Variants in SDK1 observed in about 807,000 individuals in gnomAD.
The protein encoded by SDK1 is protein sidekick-1.
SDK1 carries 157 observed loss-of-function variants against 245.5 expected under a neutral mutation model. That is an observed-to-expected ratio of 0.64 (90% confidence interval 0.56 to 0.73). SDK1 has a LOEUF of 0.73. SDK1 is among the 30% of genes least tolerant of loss of function. The pLI, the probability that SDK1 is intolerant of heterozygous loss-of-function variation, is 0.00. For missense variants in SDK1, 3,583 were observed against 3,002.3 expected, an observed-to-expected ratio of 1.19 and a Z score of -4.52; for synonymous variants, 1,647 against 1,278.5, an observed-to-expected ratio of 1.29 and a Z score of -6.15.
chr7:4,230,554 G>A (rs1785694962), intron 40 of SDK1, among the ~76,000 whole-genome samples: 1 of 151,694 alleles, frequency 6.6e-6, no homozygotes, highest in Non-Finnish European at 1.5e-5. Flanking sequence ...ATGGATGGAT[G>A]GATAGAAGGA....
chr7:3,566,114 T>A (rs1453010085), intron 1 of SDK1, among the ~76,000 whole-genome samples: 1 of 151,930 alleles, frequency 6.6e-6, no homozygotes, highest in Non-Finnish European at 1.5e-5. Context: ...GTAAATAGAG[T>A]TTTTATTCTC....
intron 5 of SDK1, among the ~76,000 whole-genome samples, chr7:3,924,181 G>A (rs553449653): frequency 6.6e-6 from 1 of 152,108 alleles, no homozygotes; most frequent in East Asian, 1.9e-4. Flanking sequence ...GGAGGGTCTG[G>A]CATTGGGGAT....
At chr7:3,447,984 G>T (rs560259567) in intron 1 of SDK1, among the ~76,000 whole-genome samples, 1 of 152,100 alleles carries the variant, frequency 6.6e-6, no homozygotes, top group Non-Finnish European at 1.5e-5. Context: ...GATTGCAGGT[G>T]TGAGCCACTG....
chr7:4,174,422 C>A, intron 33 of SDK1, 65 bp downstream of exon 33: 6 of 1,496,086 alleles, frequency 4.0e-6, no homozygotes, highest in Non-Finnish European at 5.5e-6. Context: ...GGTATCTGCT[C>A]AGTGCACATC....
At chr7:3,758,022 C>G (rs1036781213) in intron 4 of SDK1, among the ~76,000 whole-genome samples, 8 of 152,058 alleles carry the variant, frequency 5.3e-5, no homozygotes, top group Admixed American at 1.3e-4. Flanking sequence ...GCACAAAGAC[C>G]AAACGTATCT....
intron 1 of SDK1, among the ~76,000 whole-genome samples, chr7:3,589,103 AC>A (rs771235730): frequency 3.3e-4 from 50 of 152,110 alleles, no homozygotes; most frequent in Non-Finnish European, 6.6e-4. Flanking sequence ...AGAAATTATT[AC>A]CCCCTTTTTA....
chr7:3,568,276 C>T (rs533941164), intron 1 of SDK1, among the ~76,000 whole-genome samples: 5 of 152,200 alleles, frequency 3.3e-5, no homozygotes, highest in African/African-American at 1.2e-4. Flanking sequence ...TAATTGTAGT[C>T]AGCTACTTTA....
At chr7:3,582,821 C>CT (rs1215192255) in intron 1 of SDK1, among the ~76,000 whole-genome samples, 2 of 151,284 alleles carry the variant, frequency 1.3e-5, no homozygotes, top group Non-Finnish European at 2.9e-5. Flanking sequence ...AGCCTTTAGT[C>CT]TTCCCCAGCA....
chr7:3,488,285 C>G (rs1411066320), intron 1 of SDK1, among the ~76,000 whole-genome samples: 2 of 152,016 alleles, frequency 1.3e-5, no homozygotes, highest in Admixed American at 1.3e-4. Context: ...CTTTTCTTTT[C>G]TGTGCTTTCT....
At chr7:3,705,711 T>G (rs772075722) in intron 4 of SDK1, among the ~76,000 whole-genome samples, 2 of 152,076 alleles carry the variant, frequency 1.3e-5, no homozygotes, top group Non-Finnish European at 2.9e-5. Flanking sequence ...CAGCAATAAT[T>G]TGACTCTCTC....
chr7:3,770,902 A>G (rs1407350242), intron 4 of SDK1, among the ~76,000 whole-genome samples: 3 of 152,084 alleles, frequency 2.0e-5, no homozygotes, highest in African/African-American at 4.8e-5. Context: ...GAAGGAAGGT[A>G]ACATTCTTTG....
At chr7:4,109,918 G>A (rs1783225492) in intron 22 of SDK1, among the ~76,000 whole-genome samples, 1 of 152,162 alleles carries the variant, frequency 6.6e-6, no homozygotes, top group African/African-American at 2.4e-5. Context: ...AAATTAGCAC[G>A]AGACAGACCA....
intron 1 of SDK1, among the ~76,000 whole-genome samples, chr7:3,509,077 T>C (rs1782493136): frequency 1.5e-5 from 2 of 137,916 alleles, no homozygotes; most frequent in South Asian, 2.4e-4. Flanking sequence ...GGTGTGTGTG[T>C]GTGTGTGCGT....
intron 1 of SDK1, among the ~76,000 whole-genome samples, chr7:3,306,799 G>C (rs1779427354): frequency 6.6e-6 from 1 of 152,108 alleles, no homozygotes; most frequent in Non-Finnish European, 1.5e-5. Context: ...GAGGTGTGTG[G>C]CATGTAGTGT....
chr7:3,665,175 C>G (rs1288545978), intron 4 of SDK1, among the ~76,000 whole-genome samples: 3 of 152,148 alleles, frequency 2.0e-5, no homozygotes, highest in Non-Finnish European at 4.4e-5. Flanking sequence ...TGTGAATGCC[C>G]TCTGTGCCTC....
rs376878395 is a variant in SDK1 at position 3,824,068 on chromosome 7, G to T, written c.847+2485G>T. On this transcript the variant is annotated intron_variant, in intron 5 of 44. Coordinates refer to ENST00000404826, the MANE Select transcript of SDK1 (RefSeq NM_152744.4). ...AATTGTTTTAATTGTGCTTCTTTCTGGCATCCAGTGAGGGCTCTAAGCAAT... is the reference window on the plus strand; with the variant it reads ...AATTGTTTTAATTGTGCTTCTTTCTTGCATCCAGTGAGGGCTCTAAGCAAT... Among the ~76,000 whole-genome samples, 325 of 150,014 alleles carry T rather than the reference G, an allele frequency of 2.2e-3. 7 individuals carry two copies. In the South Asian group the frequency reaches 0.029, roughly 13 times the overall value.
Position 4,265,623 on chromosome 7 carries a change from G to A in SDK1, c.*239G>A. 2.3e-6 allele frequency: 3 copies of A among 1,330,210 alleles called. No individual in the cohort carries two copies. The highest frequency in any genetic ancestry group is 2.9e-6 in the Non-Finnish European group (3 of 1,048,908). The allele number at this position is 1,330,210 out of a possible 1,614,324, so 82.4% of individuals were successfully genotyped here. A position where few individuals can be genotyped will look rare whatever the true frequency, so the allele number is the denominator to read the frequency against. On this transcript the variant is annotated 3_prime_UTR_variant, in exon 45 of 45. Coordinates refer to ENST00000404826, the MANE Select transcript of SDK1 (RefSeq NM_152744.4). Reference sequence around the variant, plus strand: ...GTTTCTTTTTCTTTTCTTTTTAAGAGAAGGTGTATTTCACTGGTGCAATGG... The same window carrying A: ...GTTTCTTTTTCTTTTCTTTTTAAGAAAAGGTGTATTTCACTGGTGCAATGG...
At chr7:3,616,941 A>G (rs1018044111) in intron 1 of SDK1, among the ~76,000 whole-genome samples, 1 of 152,234 alleles carries the variant, frequency 6.6e-6, no homozygotes, top group Non-Finnish European at 1.5e-5. Flanking sequence ...TATTAAGGAA[A>G]TATGTGACAT....
chr7:3,554,195 C>T lies in SDK1; in HGVS notation c.299-64885C>T, dbSNP rs1039285620. Among the ~76,000 whole-genome samples, 56 of 152,128 alleles carry T rather than the reference C, an allele frequency of 3.7e-4. 1 individual carries two copies. Among genetic ancestry groups the T allele is most frequent in the Admixed American group, 2.5e-3 (38 of 15,268 alleles). ...ATTCGTGGGACATTCACCAAGACGG[C>T]GCACATCCTGGGCCATAGAGCACTT... On this transcript the variant is annotated intron_variant, in intron 1 of 44. Coordinates refer to ENST00000404826, the MANE Select transcript of SDK1 (RefSeq NM_152744.4).
Sources: gnomAD v4.1 joint callset for allele counts (sites outside exome capture counted in the v4.1 genomes callset) on GRCh38, gnomAD v4.1.1 for gene constraint, MANE v1.5 for transcripts, NCBI Gene and HGNC (gene_info 2026-07-23, HGNC 2026-07-21) for gene names.